Variants in TIA1 observed in about 807,000 individuals in gnomAD.
TIA1 encodes the protein cytotoxic granule associated RNA binding protein TIA1.
In TIA1, 23 loss-of-function variants were observed where a neutral mutation model predicts 65.9. The ratio of observed to expected loss-of-function variants is 0.35; its 90% confidence interval spans 0.25 to 0.49. The LOEUF (loss-of-function observed/expected upper bound fraction) is 0.49. Ranked by LOEUF, TIA1 falls within the 20% of genes least tolerant of loss-of-function variation. The pLI, the probability that TIA1 is intolerant of heterozygous loss-of-function variation, is 0.98. For synonymous variants in TIA1, 147 were observed against 149.4 expected (o/e 0.98, Z 0.12); for missense variants, 371 against 477.9 (o/e 0.78, Z 2.09).
intron 3 of TIA1, among the ~76,000 whole-genome samples, chr2:70,230,449 G>A (rs1685731397): frequency 6.6e-6 from 1 of 151,970 alleles, no homozygotes; most frequent in African/African-American, 2.4e-5. Context: ...TCAGGAGTTT[G>A]AGACCAGTCT....
intron 1 of TIA1, among the ~76,000 whole-genome samples, chr2:70,245,470 T>C (rs778485321): frequency 2.6e-5 from 4 of 152,230 alleles, no homozygotes; most frequent in Non-Finnish European, 4.4e-5. Flanking sequence ...ACACCAGCAA[T>C]GTTTTTCTAG....
At chr2:70,239,313 C>T (rs1184829780) in intron 1 of TIA1, among the ~76,000 whole-genome samples, 3 of 152,042 alleles carry the variant, frequency 2.0e-5, no homozygotes, top group Non-Finnish European at 2.9e-5. Flanking sequence ...AGGATGGTCT[C>T]GATCTCCTGA....
chr2:70,239,971 G>T (rs1690951210), intron 1 of TIA1, among the ~76,000 whole-genome samples: 1 of 152,170 alleles, frequency 6.6e-6, no homozygotes, highest in Admixed American at 6.6e-5. Flanking sequence ...TAGAAAGATA[G>T]TATTAAATTA....
At chr2:70,229,704 CAA>C (rs1487781910) in intron 3 of TIA1, among the ~76,000 whole-genome samples, 1 of 152,082 alleles carries the variant, frequency 6.6e-6, no homozygotes. Flanking sequence ...TTTCGGAGGC[CAA>C]GACAGGCGGA....
chr2:70,239,343 C>G (rs753136240), intron 1 of TIA1, among the ~76,000 whole-genome samples: 2 of 152,114 alleles, frequency 1.3e-5, no homozygotes, highest in African/African-American at 4.8e-5. Context: ...CTGCTTGCCT[C>G]GGCCTCCCAA....
At chr2:70,216,768 T>C (rs1319958632) in intron 8 of TIA1, 118 bp downstream of exon 8, 1 of 1,603,078 alleles carries the variant, frequency 6.2e-7, no homozygotes, top group Non-Finnish European at 8.5e-7. Flanking sequence ...TGAATAGTAG[T>C]CTTGATTTGC....
At chr2:70,213,767 T>C (rs1677362917) in intron 12 of TIA1, among the ~76,000 whole-genome samples, 1 of 152,088 alleles carries the variant, frequency 6.6e-6, no homozygotes. Context: ...TTCTCCTGCC[T>C]CGGCCTCCCA....
At chr2:70,216,566 T>C (rs1351383883) in intron 8 of TIA1, 67 bp from the exon 9 acceptor site, 1 of 1,444,192 alleles carries the variant, frequency 6.9e-7, no homozygotes, top group Non-Finnish European at 9.6e-7. Flanking sequence ...AAAAGTAGCA[T>C]TCACTACACT....
intron 1 of TIA1, 151 bp from the exon 2 acceptor site, chr2:70,236,326 A>C: frequency 1.9e-6 from 1 of 525,388 alleles, no homozygotes; most frequent in Non-Finnish European, 3.4e-6. Flanking sequence ...AGCCTCCCCG[A>C]GTAGCTGGGA....
intron 7 of TIA1, among the ~76,000 whole-genome samples, chr2:70,223,744 T>G (rs1558811440): frequency 6.6e-6 from 1 of 150,422 alleles, no homozygotes; most frequent in South Asian, 2.1e-4. Flanking sequence ...AAAAAAAAAA[T>G]TAAAAAAAAA....
chr2:70,216,176 A>T (rs915703845), intron 10 of TIA1, 32 bp downstream of exon 10: 12 of 1,467,476 alleles, frequency 8.2e-6, no homozygotes, highest in African/African-American at 2.9e-5. Context: ...TACATTACCA[A>T]GAAAAATGTT....
chr2:70,230,917 G>T, intron 2 of TIA1, 63 bp from the exon 3 acceptor site: 4 of 1,309,624 alleles, frequency 3.1e-6, no homozygotes, highest in Non-Finnish European at 3.2e-6. Context: ...TTAAAATTAT[G>T]TAAAAAAAAA....
intron 12 of TIA1, 119 bp downstream of exon 12, chr2:70,214,230 C>T: frequency 1.8e-6 from 2 of 1,112,832 alleles, no homozygotes; most frequent in Non-Finnish European, 1.2e-6. Context: ...TCTTTCAAGG[C>T]TATAGTTACG....
In TIA1 at chr2:70,212,306, C is replaced by T. The variant is rs1218904388; in HGVS notation, c.*413G>A. 6.2e-6 allele frequency: 1 copy of T among 162,178 alleles called. No homozygotes were observed. The highest frequency in any genetic ancestry group is 1.4e-5 in the Non-Finnish European group (1 of 73,280). The allele number at this position is 162,178 out of a possible 1,614,324, so 10.0% of individuals were successfully genotyped here. A position where few individuals can be genotyped will look rare whatever the true frequency, so the allele number is the denominator to read the frequency against. On this transcript the variant is annotated 3_prime_UTR_variant, in exon 13 of 13. Coordinates refer to ENST00000433529, the MANE Select transcript of TIA1 (RefSeq NM_022173.4). ...GATGACAAACAACTTCTAGACTCTG[C>T]ACAGTTTTGGTTTTTTTTTTTAACA...
intron 4 of TIA1, 58 bp from the exon 5 acceptor site, chr2:70,229,149 A>G: frequency 6.2e-7 from 1 of 1,607,854 alleles, no homozygotes; most frequent in East Asian, 2.2e-5. Context: ...ATTCAATCAT[A>G]TCTTAGGATA....
In TIA1 at chr2:70,230,773, G is replaced by T. The variant is rs568284639; in HGVS notation, c.205C>A (p.Arg69=). The change falls in exon 3 of 13, where the codon CGG becomes AGG. Residue 69 remains arginine, a synonymous_variant. Coordinates refer to ENST00000433529, the MANE Select transcript of TIA1 (RefSeq NM_022173.4). Reference sequence around the variant, plus strand: ...CAGCTTACCTTACCCATTATCTTCCGTCCATTCATAGCAGCTAATGCTGCA... The same window carrying T: ...CAGCTTACCTTACCCATTATCTTCCTTCCATTCATAGCAGCTAATGCTGCA... ...AAAALAAMNG[R]KIMGKEVKVN... 1.4e-5 allele frequency: 23 copies of T among 1,606,552 alleles called. No homozygotes were observed. In the African/African-American group the frequency reaches 1.6e-4, roughly 11 times the overall value.
At chr2:70,246,072 C>T (rs1021263121) in intron 1 of TIA1, among the ~76,000 whole-genome samples, 4 of 151,988 alleles carry the variant, frequency 2.6e-5, no homozygotes, top group South Asian at 4.1e-4. Context: ...TACAGGCATG[C>T]GCCACCATGC....
intron 6 of TIA1, chr2:70,225,098 T>C: frequency 1.0e-6 from 1 of 1,003,710 alleles, no homozygotes; most frequent in South Asian, 3.6e-5. Flanking sequence ...ATTAAACTAT[T>C]TAATTTTTTC....
chr2:70,228,289 T>TTCAGTAA, intron 5 of TIA1: 1 of 1,242,632 alleles, frequency 8.0e-7, no homozygotes, highest in Non-Finnish European at 1.0e-6. Context: ...TGAAGCTAGC[T>TTCAGTAA]ACATGATATA....
Sources: gnomAD v4.1 joint callset for allele counts (sites outside exome capture counted in the v4.1 genomes callset) on GRCh38, gnomAD v4.1.1 for gene constraint, MANE v1.5 for transcripts, NCBI Gene and HGNC (gene_info 2026-07-23, HGNC 2026-07-21) for gene names.